The following ZDHHC3 variants were observed in gnomAD, a reference collection of about 807,000 sequenced individuals.
ZDHHC3 encodes palmitoyltransferase ZDHHC3.
In ZDHHC3, 9 loss-of-function variants were observed where a neutral mutation model predicts 30.6. That is an observed-to-expected ratio of 0.29 (90% CI 0.18 to 0.51). ZDHHC3 has a LOEUF of 0.51. Ranked by LOEUF, ZDHHC3 falls within the 20% of genes least tolerant of loss-of-function variation. The pLI is 0.97. For missense variants in ZDHHC3, 246 were observed against 384.2 expected, an observed-to-expected ratio of 0.64 and a Z score of 3.01; for synonymous variants, 136 against 140.2, an observed-to-expected ratio of 0.97 and a Z score of 0.21.
chr3:44,953,972 T>C (rs1279487808), intron 2 of ZDHHC3, among the ~76,000 whole-genome samples: 2 of 152,234 alleles, frequency 1.3e-5, no homozygotes, highest in East Asian at 3.8e-4. Flanking sequence ...CATGCTGCCA[T>C]GCTACCCTTC....
intron 3 of ZDHHC3, chr3:44,937,990 CTT>C (rs1312372231): frequency 1.4e-4 from 50 of 359,670 alleles, no homozygotes; most frequent in Middle Eastern, 9.2e-4. Context: ...GGAAATACCA[CTT>C]TTTTTTTTGG....
At chr3:44,935,671 A>G (rs1701899494) in intron 3 of ZDHHC3, among the ~76,000 whole-genome samples, 1 of 152,202 alleles carries the variant, frequency 6.6e-6, no homozygotes, top group Non-Finnish European at 1.5e-5. Flanking sequence ...TCACTAATCA[A>G]TGTTATTTCT....
chr3:44,976,174 T>G lies in ZDHHC3; in HGVS notation c.-266A>C. On this transcript the variant is annotated 5_prime_UTR_variant, in exon 1 of 7. Coordinates refer to ENST00000424952, the MANE Select transcript of ZDHHC3 (RefSeq NM_001135179.2). ...CTGCAGGAGCGGCCGCCGCGCAGGT[T>G]GATGACGCGCTGACGCGGGGCGGGG... The G allele has an allele frequency of 3.8e-6, 4 of 1,040,410 alleles. No homozygotes were observed. The highest frequency in any genetic ancestry group is 5.0e-6 in the Non-Finnish European group (4 of 793,860). The allele number at this position is 1,040,410 out of a possible 1,614,324, so 64.4% of individuals were successfully genotyped here. A position where few individuals can be genotyped will look rare whatever the true frequency, so the allele number is the denominator to read the frequency against.
rs1255557181 is a variant in ZDHHC3 at position 44,924,214 on chromosome 3, C to T, written c.*2475G>A. On this transcript the variant is annotated 3_prime_UTR_variant, in exon 7 of 7. Transcript: ENST00000424952. Reference sequence around the variant, plus strand: ...GAAAGATGTCCTCTTTCATTACATCCGGAAATACTGAGGAGAGCTCAGGGA... The same window carrying T: ...GAAAGATGTCCTCTTTCATTACATCTGGAAATACTGAGGAGAGCTCAGGGA... 1.6e-5 allele frequency: 16 copies of T among 985,310 alleles called. No individual in the cohort carries two copies. The highest frequency in any genetic ancestry group is 1.8e-5 in the Non-Finnish European group (15 of 829,938). The allele number at this position is 985,310 out of a possible 1,614,324, so 61.0% of individuals were successfully genotyped here.
In ZDHHC3 at chr3:44,924,875, G is replaced by C. The variant is rs979041703; in HGVS notation, c.*1814C>G. ...TTAGCATCTCAGCCTCGCCCGTATC[G>C]CATGAATAGCACCGTAGACACGAGG... On this transcript the variant is annotated 3_prime_UTR_variant, in exon 7 of 7. Transcript: ENST00000424952. 4.1e-6 allele frequency: 4 copies of C among 985,332 alleles called. No homozygotes were observed. Among genetic ancestry groups the C allele is most frequent in the Non-Finnish European group, 4.8e-6 (4 of 829,934 alleles). The allele number at this position is 985,332 out of a possible 1,614,324, so 61.0% of individuals were successfully genotyped here. A position where few individuals can be genotyped will look rare whatever the true frequency, so the allele number is the denominator to read the frequency against.
In ZDHHC3 at chr3:44,921,770, C is replaced by T. The variant is rs767335983; in HGVS notation, c.*4919G>A. The T allele has an allele frequency of 3.5e-5, 34 of 976,530 alleles. No individual in the cohort carries two copies. The highest frequency in any genetic ancestry group is 5.3e-5 in the African/African-American group (3 of 57,004). 60.5% of individuals were successfully genotyped at this position (976,530 alleles called of 1,614,324 possible). On this transcript the variant is annotated 3_prime_UTR_variant, in exon 7 of 7. Transcript: ENST00000424952. Reference sequence around the variant, plus strand: ...CAAGGTCATATTTTGGTAGTAGGTGCGGTAATAAGTAGCCAAGCAGACATT... The same window carrying T: ...CAAGGTCATATTTTGGTAGTAGGTGTGGTAATAAGTAGCCAAGCAGACATT...
In ZDHHC3 at chr3:44,925,331, C is replaced by T. The variant is rs756453978; in HGVS notation, c.*1358G>A. 1.0e-6 allele frequency: 1 copy of T among 985,908 alleles called. No homozygotes were observed. Among genetic ancestry groups the T allele is most frequent in the Non-Finnish European group, 1.2e-6 (1 of 829,948 alleles). The allele number at this position is 985,908 out of a possible 1,614,324, so 61.1% of individuals were successfully genotyped here. A position where few individuals can be genotyped will look rare whatever the true frequency, so the allele number is the denominator to read the frequency against. The stretch of plus-strand genomic sequence containing the variant: ...GAATAAACCTTAACTCCTACCCCCA[C>T]CCCAAGCAAAAGCTAAAAAAGGGGG... On this transcript the variant is annotated 3_prime_UTR_variant, in exon 7 of 7. Coordinates refer to ENST00000424952, the MANE Select transcript of ZDHHC3 (RefSeq NM_001135179.2).
At chr3:44,938,541 T>C (rs1559676378) in intron 3 of ZDHHC3, 1 of 152,960 alleles carries the variant, frequency 6.5e-6, no homozygotes, top group Admixed American at 6.5e-5. Context: ...TAAAAATAAA[T>C]AAAAATAAAA....
chr3:44,926,855 C>G lies in ZDHHC3; in HGVS notation c.742-8G>C, dbSNP rs916442117. On this transcript the variant is annotated splice_polypyrimidine_tract_variant and splice_region_variant and intron_variant, in intron 6 of 6. Coordinates refer to ENST00000424952, the MANE Select transcript of ZDHHC3 (RefSeq NM_001135179.2). ...TTTCAATTGTTCTATTCCCTGAAAACAAGAACAATCATACTTTCAGTCAAG... is the reference window on the plus strand; with the variant it reads ...TTTCAATTGTTCTATTCCCTGAAAAGAAGAACAATCATACTTTCAGTCAAG... 6.3e-7 allele frequency: 1 copy of G among 1,596,594 alleles called. No homozygotes were observed. The highest frequency in any genetic ancestry group is 1.7e-5 in the Admixed American group (1 of 57,346).
chr3:44,957,836 C>T (rs1442414621), intron 2 of ZDHHC3, among the ~76,000 whole-genome samples: 1 of 152,246 alleles, frequency 6.6e-6, no homozygotes, highest in Non-Finnish European at 1.5e-5. Context: ...CAGAGGGCAT[C>T]TTGAGGGTAA....
In ZDHHC3 at chr3:44,954,125, A is replaced by G. The variant is rs370980468; in HGVS notation, c.306+5006T>C. ...AATGACTTTTGGCAGCTGAAATGAA[A>G]ATCAGTGGCCGGTAGTGGTCTGAGA... On this transcript the variant is annotated intron_variant, in intron 2 of 6. Transcript: ENST00000424952. 2.6e-5 allele frequency among the ~76,000 whole-genome samples: 4 copies of G among 152,262 alleles called. No homozygotes were observed. The East Asian group carries it at 7.7e-4, about 29-fold the overall frequency.
intron 6 of ZDHHC3, among the ~76,000 whole-genome samples, chr3:44,928,594 T>C (rs1471354199): frequency 6.6e-6 from 1 of 152,114 alleles, no homozygotes; most frequent in Non-Finnish European, 1.5e-5. Flanking sequence ...AATGCCCATA[T>C]TGCAGCCAGG....
At chr3:44,956,495 C>T (rs968010446) in intron 2 of ZDHHC3, among the ~76,000 whole-genome samples, 8 of 152,180 alleles carry the variant, frequency 5.3e-5, no homozygotes, top group Non-Finnish European at 1.0e-4. Context: ...ATTCTCAGGC[C>T]TGGCCTGAGA....
Position 44,917,448 on chromosome 3 carries a change from G to A in ZDHHC3, c.*9241C>T, listed in dbSNP as rs1700255606. ...AGGTCCCCAAGGCAAGCCCTGCCCG[G>A]TCCTTCTGTCACAACCTTACTTCTC... On this transcript the variant is annotated 3_prime_UTR_variant, in exon 7 of 7. Coordinates refer to ENST00000424952, the MANE Select transcript of ZDHHC3 (RefSeq NM_001135179.2). The A allele has an allele frequency of 1.1e-5, 2 of 182,966 alleles. No individual in the cohort carries two copies. Among genetic ancestry groups the A allele is most frequent in the Non-Finnish European group, 2.3e-5 (2 of 85,244 alleles). The allele number at this position is 182,966 out of a possible 1,614,324, so 11.3% of individuals were successfully genotyped here.
intron 2 of ZDHHC3, chr3:44,958,598 T>C: frequency 1.3e-6 from 2 of 1,536,184 alleles, no homozygotes; most frequent in Non-Finnish European, 1.7e-6. Flanking sequence ...CAAGAGGCAC[T>C]TGCTGCGGCC....
Position 44,975,960 on chromosome 3 carries a change from C to G in ZDHHC3, c.-52G>C, listed in dbSNP as rs1705945408. On this transcript the variant is annotated 5_prime_UTR_variant, in exon 1 of 7. Coordinates refer to ENST00000424952, the MANE Select transcript of ZDHHC3 (RefSeq NM_001135179.2). ...TGAAGCCGGAGGCAGTTCCCCAGTC[C>G]CAGACCCCGGTGGGGCTCCCGCCGC... 1 of 291,406 alleles carries G rather than the reference C, an allele frequency of 3.4e-6. No homozygotes were observed. 18.1% of individuals were successfully genotyped at this position (291,406 alleles called of 1,614,324 possible).
chr3:44,921,576 G>C lies in ZDHHC3; in HGVS notation c.*5113C>G, dbSNP rs1461347093. 1.0e-6 allele frequency: 1 copy of C among 985,304 alleles called. No homozygotes were observed. The highest frequency in any genetic ancestry group is 1.7e-5 in the African/African-American group (1 of 57,230). 61.0% of individuals were successfully genotyped at this position (985,304 alleles called of 1,614,324 possible). A position where few individuals can be genotyped will look rare whatever the true frequency, so the allele number is the denominator to read the frequency against. ...CAAACCATGAATGGCTGTGACCAAT[G>C]GTTTGAAAAGCACAGCTCCAACACA... is the stretch of plus-strand genomic sequence containing the variant. On this transcript the variant is annotated 3_prime_UTR_variant, in exon 7 of 7. Coordinates refer to ENST00000424952, the MANE Select transcript of ZDHHC3 (RefSeq NM_001135179.2).
Position 44,916,702 on chromosome 3 carries a change from A to C in ZDHHC3, c.*9987T>G, listed in dbSNP as rs73829693. Reference sequence around the variant, plus strand: ...CCTTCTGTTGGGCTTTGTGCAGAAGATGCTGCTTCAGCAACCACTGGAATG... The same window carrying C: ...CCTTCTGTTGGGCTTTGTGCAGAAGCTGCTGCTTCAGCAACCACTGGAATG... On this transcript the variant is annotated 3_prime_UTR_variant, in exon 7 of 7. Transcript: ENST00000424952. 2.1e-3 allele frequency: 322 copies of C among 152,330 alleles called. No individual in the cohort carries two copies. Among genetic ancestry groups the C allele is most frequent in the African/African-American group, 7.1e-3 (297 of 41,578 alleles). The allele number at this position is 152,330 out of a possible 1,614,324, so 9.4% of individuals were successfully genotyped here. A position where few individuals can be genotyped will look rare whatever the true frequency, so the allele number is the denominator to read the frequency against.
At chr3:44,938,429 CATGACATCACAG>C in intron 3 of ZDHHC3, 1 of 220,596 alleles carries the variant, frequency 4.5e-6, no homozygotes, top group Non-Finnish European at 9.6e-6. Context: ...CCGCCACCCT[CATGACATCACAG>C]ATGACATCAA....
Sources: allele counts gnomAD v4.1 joint callset (sites outside exome capture counted in the v4.1 genomes callset), GRCh38; gene constraint gnomAD v4.1.1; transcripts MANE v1.5; gene names NCBI Gene and HGNC (gene_info 2026-07-23, HGNC 2026-07-21).